The following PTPN13 variants were observed in gnomAD, a reference collection of about 807,000 sequenced individuals.
PTPN13 encodes protein tyrosine phosphatase non-receptor type 13.
A neutral mutation model predicts 284.0 loss-of-function variants in PTPN13; 191 were observed. The ratio of observed to expected loss-of-function variants is 0.67; its 90% confidence interval spans 0.60 to 0.76. The LOEUF is 0.76. PTPN13 is among the 30% of genes least tolerant of loss of function. The probability of loss-of-function intolerance (pLI) is 0.00; values close to 1 mark genes in which losing one functional copy is unlikely to be tolerated. For synonymous variants in PTPN13, 986 were observed against 1,022.3 expected, an observed-to-expected ratio of 0.96 and a Z score of 0.68; for missense variants, 2,797 against 2,939.9, an observed-to-expected ratio of 0.95 and a Z score of 1.12.
intron 20 of PTPN13, among the ~76,000 whole-genome samples, chr4:86,756,155 C>A (rs1737939717): frequency 6.6e-6 from 1 of 151,880 alleles, no homozygotes. Flanking sequence ...CAATGATCAT[C>A]ATTTAATCAC....
intron 3 of PTPN13, among the ~76,000 whole-genome samples, chr4:86,684,829 A>T (rs979750123): frequency 6.6e-6 from 1 of 152,228 alleles, no homozygotes; most frequent in African/African-American, 2.4e-5. Flanking sequence ...TTCAGTATTG[A>T]TAGAAGTGGC....
rs1447447123 is a variant in PTPN13 at position 86,689,644 on chromosome 4, T to G, written c.546+454T>G. Reference sequence around the variant, plus strand: ...GGTATTTCCCAAACCTTCTCCACTTTCCCTTCTTCTCGGAACACTGCTACC... The same window carrying G: ...GGTATTTCCCAAACCTTCTCCACTTGCCCTTCTTCTCGGAACACTGCTACC... On this transcript the variant is annotated intron_variant, in intron 5 of 47. Coordinates refer to ENST00000411767, the MANE Select transcript of PTPN13 (RefSeq NM_080683.3). 6 of 702,206 alleles carry G rather than the reference T, an allele frequency of 8.5e-6. No homozygotes were observed. The East Asian group carries it at 1.3e-4, about 16-fold the overall frequency. The allele number at this position is 702,206 out of a possible 1,614,324, so 43.5% of individuals were successfully genotyped here. A position where few individuals can be genotyped will look rare whatever the true frequency, so the allele number is the denominator to read the frequency against.
At chr4:86,748,877 G>C (rs540429843) in intron 17 of PTPN13, among the ~76,000 whole-genome samples, 1 of 152,154 alleles carries the variant, frequency 6.6e-6, no homozygotes, top group Admixed American at 6.5e-5. Flanking sequence ...GGATGATCTC[G>C]ATCTCCTGAC....
intron 2 of PTPN13, among the ~76,000 whole-genome samples, chr4:86,647,496 T>C (rs567172503): frequency 2.8e-4 from 42 of 151,742 alleles, no homozygotes; most frequent in Middle Eastern, 6.8e-3. Flanking sequence ...AATTAGTTTA[T>C]TGAATTTAGT....
chr4:86,785,103 G>T, intron 38 of PTPN13, 128 bp from the exon 39 acceptor site: 1 of 657,630 alleles, frequency 1.5e-6, no homozygotes, highest in Non-Finnish European at 2.5e-6. Flanking sequence ...TACTTTTCCA[G>T]TCATTGCTAC....
chr4:86,674,295 A>C lies in PTPN13; in HGVS notation c.294+1752A>C, dbSNP rs546628141. Among the ~76,000 whole-genome samples, 404 of 152,312 alleles carry C rather than the reference A, an allele frequency of 2.7e-3. 2 individuals are homozygous for C. The highest frequency in any genetic ancestry group is 9.2e-3 in the African/African-American group (384 of 41,572). Reference sequence around the variant, plus strand: ...GAATTGGCTATGAACATTCTTTCCCATATGTCATTCCACATAAGTGTAAAA... The same window carrying C: ...GAATTGGCTATGAACATTCTTTCCCCTATGTCATTCCACATAAGTGTAAAA... On this transcript the variant is annotated intron_variant, in intron 3 of 47. Coordinates refer to ENST00000411767, the MANE Select transcript of PTPN13 (RefSeq NM_080683.3).
At chr4:86,780,644 A>G (rs1741199455) in intron 36 of PTPN13, among the ~76,000 whole-genome samples, 172 bp downstream of exon 36, 1 of 152,240 alleles carries the variant, frequency 6.6e-6, no homozygotes, top group African/African-American at 2.4e-5. Context: ...CCTATATTCT[A>G]CATAAAAACT....
chr4:86,671,890 T>A (rs1727756358), intron 2 of PTPN13, among the ~76,000 whole-genome samples: 2 of 152,206 alleles, frequency 1.3e-5, no homozygotes, highest in African/African-American at 2.4e-5. Context: ...TATAAATGGG[T>A]TATAAGTAGA....
intron 42 of PTPN13, among the ~76,000 whole-genome samples, chr4:86,802,588 G>T (rs953122170): frequency 6.6e-5 from 10 of 152,126 alleles, no homozygotes; most frequent in Non-Finnish European, 1.3e-4. Context: ...AGCTGGGTGT[G>T]GGAGTGTGCT....
chr4:86,752,224 A>G (rs533528156), intron 19 of PTPN13, among the ~76,000 whole-genome samples: 1 of 152,302 alleles, frequency 6.6e-6, no homozygotes, highest in East Asian at 1.9e-4. Context: ...CTTAGGCTCA[A>G]GGTTTGTTAA....
At chr4:86,674,120 A>G (rs1369021182) in intron 3 of PTPN13, among the ~76,000 whole-genome samples, 1 of 152,214 alleles carries the variant, frequency 6.6e-6, no homozygotes, top group Non-Finnish European at 1.5e-5. Context: ...CTATAGTGAT[A>G]TAACTGACTT....
chr4:86,688,884 T>C, intron 4 of PTPN13, 121 bp from the exon 5 acceptor site: 1 of 669,628 alleles, frequency 1.5e-6, no homozygotes, highest in East Asian at 2.8e-5. Flanking sequence ...AAGGAATTTA[T>C]TTCCTCCAAG....
intron 46 of PTPN13, 134 bp downstream of exon 46, chr4:86,810,118 TATTATAGA>T (rs1230437981): frequency 1.5e-6 from 1 of 663,142 alleles, no homozygotes; most frequent in Non-Finnish European, 2.4e-6. Context: ...CTTCTTATAT[TATTATAGA>T]AAATTGTATT....
chr4:86,697,325 G>T (rs1403227909), intron 6 of PTPN13, among the ~76,000 whole-genome samples: 1 of 152,086 alleles, frequency 6.6e-6, no homozygotes, highest in East Asian at 1.9e-4. Context: ...TGTTAAGATG[G>T]ACAGGGAGAT....
intron 3 of PTPN13, among the ~76,000 whole-genome samples, chr4:86,675,604 A>T (rs967305210): frequency 2.6e-5 from 4 of 152,172 alleles, no homozygotes; most frequent in Non-Finnish European, 5.9e-5. Context: ...AGTCTTTCAT[A>T]AACTGTACAT....
rs539490727 is a variant in PTPN13, at chr4:86,669,014, C to T, written c.116-3351C>T. ...AAATTCTTGCTGTTCCTTGTACAAA[C>T]TTAGTAACTTCCTGACCCACATGCC... On this transcript the variant is annotated intron_variant, in intron 2 of 47. Transcript: ENST00000411767. 4.6e-5 allele frequency among the ~76,000 whole-genome samples: 7 copies of T among 151,786 alleles called. No individual in the cohort carries two copies. In the East Asian group the frequency reaches 1.4e-3, roughly 29 times the overall value.
intron 15 of PTPN13, among the ~76,000 whole-genome samples, chr4:86,737,755 G>A (rs1019781545): frequency 3.3e-5 from 5 of 151,820 alleles, no homozygotes; most frequent in African/African-American, 1.2e-4. Context: ...TTCTGAGACA[G>A]AGTCTCACTC....
At chr4:86,624,973 G>A (rs1043657582) in intron 1 of PTPN13, among the ~76,000 whole-genome samples, 6 of 152,128 alleles carry the variant, frequency 3.9e-5, no homozygotes, top group South Asian at 2.1e-4. Flanking sequence ...GGTATATGAA[G>A]CATTTGAAAT....
chr4:86,807,591 A>C lies in PTPN13; in HGVS notation c.6777A>C (p.Glu2259Asp). The C allele has an allele frequency of 6.2e-7, 1 of 1,613,318 alleles. No homozygotes were observed. The highest frequency in any genetic ancestry group is 1.3e-5 in the African/African-American group (1 of 75,048). The change falls in exon 45 of 48, where the codon GAA (glutamate) becomes GAC (aspartate). Residue 2259 changes from glutamate (E) to aspartate (D), a missense_variant. By Grantham distance (45) the Glu-to-Asp change is conservative. Transcript: ENST00000411767. ...CTACAAGAGTGCCTCTTGGAGATGAAGGTGGCTATATCAATGCCAGCTTCA... is the reference window on the plus strand; with the variant it reads ...CTACAAGAGTGCCTCTTGGAGATGACGGTGGCTATATCAATGCCAGCTTCA... Reference protein sequence around the residue: ...YDATRVPLGDEGGYINASFIK... With the variant: ...YDATRVPLGDDGGYINASFIK...
Sources: allele counts gnomAD v4.1 joint callset (sites outside exome capture counted in the v4.1 genomes callset), GRCh38; gene constraint gnomAD v4.1.1; transcripts MANE v1.5; gene names NCBI Gene and HGNC (gene_info 2026-07-23, HGNC 2026-07-21).